INPP5A: variants seen among roughly 807,000 people sequenced by gnomAD.
INPP5A encodes the protein inositol polyphosphate-5-phosphatase A.
INPP5A carries 14 observed loss-of-function variants against 65.2 expected under a neutral mutation model. The ratio of observed to expected loss-of-function variants is 0.21; its 90% confidence interval spans 0.14 to 0.34. The LOEUF (loss-of-function observed/expected upper bound fraction) is 0.34. Among genes scored for constraint, INPP5A ranks in the 10% least tolerant of loss-of-function variants. The pLI is 1.00. For missense variants in INPP5A, 431 were observed against 545.6 expected (o/e 0.79, Z 2.09); for synonymous variants, 207 against 208.3 (o/e 0.99, Z 0.05).
At chr10:132,639,308 CTTTTT>C (rs201064482) in intron 2 of INPP5A, among the ~76,000 whole-genome samples, 1 of 140,522 alleles carries the variant, frequency 7.1e-6, no homozygotes, top group Non-Finnish European at 1.6e-5. Flanking sequence ...TCTGGGTTGA[CTTTTT>C]TTTTTTTTTT....
At chr10:132,684,437 G>A (rs1475044399) in intron 4 of INPP5A, among the ~76,000 whole-genome samples, 3 of 152,002 alleles carry the variant, frequency 2.0e-5, no homozygotes, top group South Asian at 2.1e-4. Context: ...TGTCTATAGT[G>A]TATATGGATG....
At position 132,727,799 on chromosome 10, in the gene INPP5A, A is replaced by G. The variant is rs773880531; in HGVS notation, c.732+894A>G. Among the ~76,000 whole-genome samples, 1 of 151,742 alleles carries G rather than the reference A, an allele frequency of 6.6e-6. No individual in the cohort carries two copies. Among genetic ancestry groups the G allele is most frequent in the Admixed American group, 6.6e-5 (1 of 15,250 alleles). Reference sequence around the variant, plus strand: ...ACGGTGAGTCAGATGGGGACACGGTAAGTCGGATGGGGACACGGTGAGTCA... The same window carrying G: ...ACGGTGAGTCAGATGGGGACACGGTGAGTCGGATGGGGACACGGTGAGTCA... On this transcript the variant is annotated intron_variant, in intron 9 of 15. Transcript: ENST00000368594. The surrounding 1 kb of genome is among the most constrained non-coding windows in gnomAD (Gnocchi z 6.5).
intron 4 of INPP5A, among the ~76,000 whole-genome samples, chr10:132,688,728 A>G (rs560054080): frequency 7.4e-4 from 112 of 150,704 alleles, no homozygotes; most frequent in South Asian, 1.5e-3. Flanking sequence ...CATTGTGTGC[A>G]TGAATGTGTG....
In INPP5A at chr10:132,747,911, T is replaced by A. The variant is rs115558758; in HGVS notation, c.733-1606T>A. ...AAAAATTTAGAAAATTAGCTGGGCA[T>A]GGTGGTGCATTACCTACAGTCCCAG... On this transcript the variant is annotated intron_variant, in intron 9 of 15. Coordinates refer to ENST00000368594, the MANE Select transcript of INPP5A (RefSeq NM_005539.5). 2.8e-3 allele frequency among the ~76,000 whole-genome samples: 422 copies of A among 152,138 alleles called. 6 individuals are homozygous for A. Among genetic ancestry groups the A allele is most frequent in the African/African-American group, 8.6e-3 (357 of 41,506 alleles).
intron 5 of INPP5A, among the ~76,000 whole-genome samples, chr10:132,695,819 C>G (rs1845335781): frequency 6.6e-6 from 1 of 152,234 alleles, no homozygotes; most frequent in Non-Finnish European, 1.5e-5. Context: ...GTGAGGAAAA[C>G]TATAAAACTC....
chr10:132,729,758 G>A (rs1203082952), intron 9 of INPP5A, among the ~76,000 whole-genome samples: 1 of 152,196 alleles, frequency 6.6e-6, no homozygotes, highest in African/African-American at 2.4e-5. Flanking sequence ...ATAAACCAGT[G>A]GGATCTTCCA....
intron 1 of INPP5A, among the ~76,000 whole-genome samples, chr10:132,591,665 G>A (rs2071621606): frequency 6.6e-6 from 1 of 152,220 alleles, no homozygotes; most frequent in South Asian, 2.1e-4. Flanking sequence ...TGTTTTGTCT[G>A]TTAATTTCAG....
chr10:132,541,925 G>T (rs1409323581), intron 1 of INPP5A, among the ~76,000 whole-genome samples: 1 of 152,244 alleles, frequency 6.6e-6, no homozygotes, highest in Non-Finnish European at 1.5e-5. Context: ...TTAATTCCTG[G>T]ATTGGACTCC....
intron 2 of INPP5A, among the ~76,000 whole-genome samples, chr10:132,622,073 C>G (rs72860325): frequency 1.3e-5 from 2 of 152,104 alleles, no homozygotes; most frequent in African/African-American, 4.8e-5. Flanking sequence ...CATACAAGGT[C>G]AGTATGAAAA....
chr10:132,720,330 G>C (rs1374983889), intron 8 of INPP5A, among the ~76,000 whole-genome samples: 1 of 140,334 alleles, frequency 7.1e-6, no homozygotes, highest in Non-Finnish European at 1.5e-5. Flanking sequence ...GTTCTTTCTG[G>C]AGGCGCCTTA....
At chr10:132,576,543 G>A (rs954521442) in intron 1 of INPP5A, among the ~76,000 whole-genome samples, 3 of 152,146 alleles carry the variant, frequency 2.0e-5, no homozygotes, top group African/African-American at 7.2e-5. Context: ...CCCAGTGTGC[G>A]TCCCCCACTG....
At chr10:132,668,904 TG>T (rs1478272878) in intron 4 of INPP5A, among the ~76,000 whole-genome samples, 1 of 152,142 alleles carries the variant, frequency 6.6e-6, no homozygotes, top group African/African-American at 2.4e-5. Context: ...GGCTTTGTTC[TG>T]GGGGATCATT....
rs551295281 is a variant in INPP5A, at chr10:132,781,746, C to T, written c.1159-115C>T. On this transcript the variant is annotated intron_variant, in intron 14 of 15. Transcript: ENST00000368594. Reference sequence around the variant, plus strand: ...TGCTGGCCATCAGCTCCTCCCAGCCCGGTTCATGGCTGCCCTGGTGAGACG... The same window carrying T: ...TGCTGGCCATCAGCTCCTCCCAGCCTGGTTCATGGCTGCCCTGGTGAGACG... 9.8e-5 allele frequency: 83 copies of T among 848,640 alleles called. 1 individual carries two copies. Among genetic ancestry groups the T allele is most frequent in the Middle Eastern group, 3.4e-4 (1 of 2,956 alleles). 52.6% of individuals were successfully genotyped at this position (848,640 alleles called of 1,614,324 possible). A position where few individuals can be genotyped will look rare whatever the true frequency, so the allele number is the denominator to read the frequency against.
intron 14 of INPP5A, 82 bp downstream of exon 14, chr10:132,780,999 G>A (rs1299440969): frequency 4.4e-6 from 4 of 904,842 alleles, no homozygotes; most frequent in Middle Eastern, 3.2e-4. Context: ...CAGTGGGTGG[G>A]CGGGTGCTGG....
At chr10:132,737,438 G>T (rs1192779772) in intron 9 of INPP5A, among the ~76,000 whole-genome samples, 3 of 145,328 alleles carry the variant, frequency 2.1e-5, no homozygotes, top group South Asian at 2.1e-4. Flanking sequence ...TGTTAGCGCA[G>T]CCCTGTCCTC....
intron 1 of INPP5A, among the ~76,000 whole-genome samples, chr10:132,597,765 T>C (rs1187279922): frequency 2.0e-5 from 3 of 151,222 alleles, no homozygotes; most frequent in Non-Finnish European, 4.4e-5. Flanking sequence ...CTACGTGTAG[T>C]GACCCTGGGC....
At chr10:132,553,487 G>A (rs888139135) in intron 1 of INPP5A, among the ~76,000 whole-genome samples, 2 of 141,986 alleles carry the variant, frequency 1.4e-5, no homozygotes. Context: ...AGGGAGGGAG[G>A]ACTGGTGAAC....
intron 2 of INPP5A, among the ~76,000 whole-genome samples, chr10:132,645,136 C>T (rs915750690): frequency 2.6e-5 from 4 of 152,004 alleles, no homozygotes; most frequent in Admixed American, 6.5e-5. Flanking sequence ...AGATTCAGCA[C>T]GCTGCAGCGG....
At chr10:132,738,096 A>G (rs535961930) in intron 9 of INPP5A, among the ~76,000 whole-genome samples, 1 of 152,360 alleles carries the variant, frequency 6.6e-6, no homozygotes, top group African/African-American at 2.4e-5. Context: ...TCACTCCTAA[A>G]TGATTCATAA....
Sources: allele counts gnomAD v4.1 joint callset (sites outside exome capture counted in the v4.1 genomes callset), GRCh38; gene constraint gnomAD v4.1.1; non-coding constraint Gnocchi (gnomAD v3.1); transcripts MANE v1.5; gene names NCBI Gene and HGNC (gene_info 2026-07-23, HGNC 2026-07-21).